Variants in DPP6 observed in about 807,000 individuals in gnomAD.
The protein encoded by DPP6 is A-type potassium channel modulatory protein DPP6.
A neutral mutation model predicts 122.6 loss-of-function variants in DPP6; 69 were observed. The observed-to-expected ratio is 0.56, with a 90% CI of 0.46 to 0.69. DPP6 has a LOEUF of 0.69. Ranked by LOEUF, DPP6 falls within the 30% of genes least tolerant of loss-of-function variation. The probability of loss-of-function intolerance (pLI) is 0.00; values close to 1 mark genes in which losing one functional copy is unlikely to be tolerated. For synonymous variants in DPP6, 418 were observed against 433.1 expected, an observed-to-expected ratio of 0.97 and a Z score of 0.43; for missense variants, 928 against 1,116.9, an observed-to-expected ratio of 0.83 and a Z score of 2.41.
At chr7:154,442,270 A>G (rs4725543) in intron 1 of DPP6, among the ~76,000 whole-genome samples, 2,817 of 152,300 alleles carry the variant, frequency 0.018, 34 homozygotes, top group Non-Finnish European at 0.023. Flanking sequence ...GTAATGACAC[A>G]TGCATTATGA....
chr7:154,160,215 T>C (rs542466133), intron 1 of DPP6, among the ~76,000 whole-genome samples: 1 of 152,110 alleles, frequency 6.6e-6, no homozygotes, highest in East Asian at 1.9e-4. Context: ...ACCCGGGACC[T>C]CCAGGTGTTT....
intron 1 of DPP6, among the ~76,000 whole-genome samples, chr7:154,431,390 G>A (rs1471471075): frequency 6.6e-6 from 1 of 152,142 alleles, no homozygotes; most frequent in Non-Finnish European, 1.5e-5. Flanking sequence ...AGCTCCAAAG[G>A]CTCAGATAGC....
At chr7:154,738,728 G>T (rs540678889) in intron 8 of DPP6, among the ~76,000 whole-genome samples, 43 of 152,296 alleles carry the variant, frequency 2.8e-4, no homozygotes, top group African/African-American at 9.9e-4. Flanking sequence ...ATTTGGTTGA[G>T]AATTTTCTAT....
At chr7:153,926,888 A>G (rs1353681906) in intron 1 of DPP6, among the ~76,000 whole-genome samples, 2 of 152,200 alleles carry the variant, frequency 1.3e-5, no homozygotes, top group Non-Finnish European at 2.9e-5. Context: ...ACATCTACGT[A>G]TTTTAAATTA....
chr7:154,083,288 C>T lies in DPP6; in HGVS notation c.243+30225C>T, dbSNP rs554876492. On this transcript the variant is annotated intron_variant, in intron 1 of 25. Transcript: ENST00000377770. Reference sequence around the variant, plus strand: ...GATGAGGAAGCCCTCCTTGCAGAAGCCCATGGAAGCCCTCCTTGCAGAAGA... The same window carrying T: ...GATGAGGAAGCCCTCCTTGCAGAAGTCCATGGAAGCCCTCCTTGCAGAAGA... Among the ~76,000 whole-genome samples, 61 of 152,116 alleles carry T rather than the reference C, an allele frequency of 4.0e-4. 1 individual carries two copies. The South Asian group carries it at 0.011, about 27-fold the overall frequency.
At chr7:154,300,392 C>T (rs2150978942) in intron 1 of DPP6, among the ~76,000 whole-genome samples, 1 of 152,342 alleles carries the variant, frequency 6.6e-6, no homozygotes, top group East Asian at 1.9e-4. Context: ...GAGATCAGCA[C>T]TTTTTCCAAG....
At chr7:154,400,169 G>T (rs1815444799) in intron 1 of DPP6, among the ~76,000 whole-genome samples, 1 of 152,202 alleles carries the variant, frequency 6.6e-6, no homozygotes, top group Non-Finnish European at 1.5e-5. Flanking sequence ...TGGTCTGCAT[G>T]CCCTGGAGAA....
At chr7:154,816,109 C>A (rs1033582924) in intron 16 of DPP6, among the ~76,000 whole-genome samples, 1 of 152,096 alleles carries the variant, frequency 6.6e-6, no homozygotes, top group Non-Finnish European at 1.5e-5. Flanking sequence ...TACAGCTTCG[C>A]GACCTTGGGC....
At position 154,809,962 on chromosome 7, in the gene DPP6, C is replaced by T. The variant is rs566089534; in HGVS notation, c.1666+2850C>T. Reference sequence around the variant, plus strand: ...TCAGCTCACTGCAACCTCTGCCTCCCGGTTTCAAGCGATTCTCCTGCCTCA... The same window carrying T: ...TCAGCTCACTGCAACCTCTGCCTCCTGGTTTCAAGCGATTCTCCTGCCTCA... On this transcript the variant is annotated intron_variant, in intron 16 of 25. Coordinates refer to ENST00000377770, the MANE Select transcript of DPP6 (RefSeq NM_130797.4). Among the ~76,000 whole-genome samples the T allele has an allele frequency of 5.9e-5, 9 of 152,220 alleles. 1 individual carries two copies. The highest frequency in any genetic ancestry group is 6.8e-3 in the Middle Eastern group (2 of 292).
chr7:154,494,382 T>G (rs1470604117), intron 3 of DPP6, among the ~76,000 whole-genome samples: 2 of 148,278 alleles, frequency 1.3e-5, no homozygotes, highest in Non-Finnish European at 3.0e-5. Flanking sequence ...TACATATTTT[T>G]TATTATATAT....
At chr7:154,824,479 G>A (rs6944848) in intron 16 of DPP6, among the ~76,000 whole-genome samples, 119,730 of 151,958 alleles carry the variant, frequency 0.79, 47,301 homozygotes, top group Non-Finnish European at 0.82. Context: ...GGGTTTCACC[G>A]TGTTGGCCAG....
the DPP6 span, among the ~76,000 whole-genome samples, chr7:153,775,940 GA>G: frequency 6.6e-6 from 1 of 152,076 alleles, no homozygotes; most frequent in South Asian, 2.1e-4. Context: ...ATCATTGGGG[GA>G]ATATACTGTT....
In DPP6 at chr7:154,445,526, C is replaced by T. The variant is rs370855652; in HGVS notation, c.244-688C>T. Among the ~76,000 whole-genome samples the T allele has an allele frequency of 7.9e-5, 12 of 152,236 alleles. No individual in the cohort carries two copies. In the East Asian group the frequency reaches 2.1e-3, roughly 27 times the overall value. On this transcript the variant is annotated intron_variant, in intron 1 of 25. Transcript: ENST00000377770. ...CCCTTTAGCAGTGTCTCCAGAGTCC[C>T]TCTCTCACCTGCCACTCTTGCTGCA...
Position 154,892,753 on chromosome 7 carries a change from C to T in DPP6, c.*273C>T, listed in dbSNP as rs748661532. ...GAGAGACCGGCACGCCACGGCCCCT[C>T]CCCCAAGGAACAGAGCAAAGGATGG... On this transcript the variant is annotated 3_prime_UTR_variant, in exon 26 of 26. Coordinates refer to ENST00000377770, the MANE Select transcript of DPP6 (RefSeq NM_130797.4). 1 of 677,222 alleles carries T rather than the reference C, an allele frequency of 1.5e-6. No homozygotes were observed. Among genetic ancestry groups the T allele is most frequent in the East Asian group, 3.3e-5 (1 of 30,066 alleles). 42.0% of individuals were successfully genotyped at this position (677,222 alleles called of 1,614,324 possible).
At chr7:154,340,823 A>G (rs1347957100) in intron 1 of DPP6, among the ~76,000 whole-genome samples, 1 of 152,186 alleles carries the variant, frequency 6.6e-6, no homozygotes, top group Admixed American at 6.5e-5. Flanking sequence ...TGAGCAGCTA[A>G]AACCACTTGC....
the DPP6 span, among the ~76,000 whole-genome samples, chr7:153,869,904 T>A: frequency 6.6e-6 from 1 of 152,210 alleles, no homozygotes; most frequent in Non-Finnish European, 1.5e-5. Context: ...TCTCCTTCAC[T>A]TATGAAGCTT....
chr7:153,974,622 T>A (rs2129034968), intron 1 of DPP6, among the ~76,000 whole-genome samples: 1 of 152,330 alleles, frequency 6.6e-6, no homozygotes, highest in South Asian at 2.1e-4. Context: ...TCTTTTGGAT[T>A]CTCTCCTGTT....
At position 154,331,352 on chromosome 7, in the gene DPP6, A is replaced by G. The variant is rs555323320; in HGVS notation, c.244-114862A>G. 2.0e-4 allele frequency among the ~76,000 whole-genome samples: 30 copies of G among 152,344 alleles called. No individual in the cohort carries two copies. The East Asian group carries it at 5.6e-3, about 28-fold the overall frequency. ...TATGACCTACCTGCTGGCATGGTAC[A>G]AAAGGTCTCTGCCGAGGTCTGAGGG... On this transcript the variant is annotated intron_variant, in intron 1 of 25. Transcript: ENST00000377770.
At chr7:153,977,435 T>TA (rs755131284) in intron 1 of DPP6, among the ~76,000 whole-genome samples, 5 of 152,346 alleles carry the variant, frequency 3.3e-5, no homozygotes, top group Middle Eastern at 3.4e-3. Context: ...CTCTATTATA[T>TA]CACATTTATT....
Sources: allele counts gnomAD v4.1 joint callset (sites outside exome capture counted in the v4.1 genomes callset), GRCh38; gene constraint gnomAD v4.1.1; transcripts MANE v1.5; gene names NCBI Gene and HGNC (gene_info 2026-07-23, HGNC 2026-07-21).